SYNE2: variants seen among roughly 807,000 people sequenced by gnomAD.
The protein encoded by SYNE2 is nesprin-2.
Under a neutral mutation model 856.3 loss-of-function variants are expected in SYNE2, and 431 were observed. The observed-to-expected ratio is 0.50, with a 90% confidence interval of 0.47 to 0.55. The LOEUF (loss-of-function observed/expected upper bound fraction) is 0.55, where lower values mean the gene tolerates loss of function less well. SYNE2 is among the 20% of genes least tolerant of loss of function. SYNE2 has a pLI of 0.00. For synonymous variants in SYNE2, 2,923 were observed against 2,872.3 expected, an observed-to-expected ratio of 1.02 and a Z score of -0.56; for missense variants, 8,129 against 8,023.2, an observed-to-expected ratio of 1.01 and a Z score of -0.50.
chr14:63,810,789 G>A (rs1169245169), intron 1 of SYNE2, among the ~76,000 whole-genome samples: 1 of 152,176 alleles, frequency 6.6e-6, no homozygotes, highest in Non-Finnish European at 1.5e-5. Flanking sequence ...TGAAATACTT[G>A]CTTTTCTCTC....
intron 7 of SYNE2, among the ~76,000 whole-genome samples, chr14:63,951,223 CT>C (rs2096152585): frequency 6.6e-6 from 1 of 152,142 alleles, no homozygotes; most frequent in African/African-American, 2.4e-5. Context: ...TTGCTAAGCC[CT>C]TTCAAATGCA....
At position 63,945,867 on chromosome 14, in the gene SYNE2, A is replaced by G. The variant is rs548588551; in HGVS notation, c.408+3724A>G. ...AAGCTGTTGCCAGTTTTTAGCTGCTATGAGTAAAGCTGCTCAGAACGTTCT... is the reference window on the plus strand; with the variant it reads ...AAGCTGTTGCCAGTTTTTAGCTGCTGTGAGTAAAGCTGCTCAGAACGTTCT... On this transcript the variant is annotated intron_variant, in intron 6 of 115. Transcript: ENST00000555002. Among the ~76,000 whole-genome samples the G allele has an allele frequency of 4.6e-5, 7 of 152,260 alleles. No individual in the cohort carries two copies. In the South Asian group the frequency reaches 1.2e-3, roughly 27 times the overall value.
At chr14:63,954,609 T>G (rs1000133225) in intron 7 of SYNE2, 110 bp from the exon 8 acceptor site, 7 of 893,038 alleles carry the variant, frequency 7.8e-6, no homozygotes, top group Admixed American at 4.5e-5. Context: ...TCTAGCATGA[T>G]GTATCTAATT....
chr14:64,154,683 C>G (rs1410673241), intron 85 of SYNE2, among the ~76,000 whole-genome samples: 1 of 150,482 alleles, frequency 6.6e-6, no homozygotes, highest in Non-Finnish European at 1.5e-5. Context: ...AGTCCAGCTA[C>G]TTAGGAGGCT....
At chr14:64,005,310 T>C (rs1274714956) in intron 30 of SYNE2, among the ~76,000 whole-genome samples, 1 of 152,202 alleles carries the variant, frequency 6.6e-6, no homozygotes, top group African/African-American at 2.4e-5. Flanking sequence ...TTTGACCTAT[T>C]GTAGTAATCC....
intron 108 of SYNE2, 153 bp downstream of exon 108, chr14:64,216,540 T>A: frequency 1.1e-6 from 1 of 884,318 alleles, no homozygotes; most frequent in Non-Finnish European, 1.8e-6. Flanking sequence ...TGTTGAGCTG[T>A]CCATACTTCA....
intron 1 of SYNE2, among the ~76,000 whole-genome samples, chr14:63,875,331 A>C (rs1380431029): frequency 6.6e-6 from 1 of 152,206 alleles, no homozygotes; most frequent in Non-Finnish European, 1.5e-5. Flanking sequence ...CAAAGACCAG[A>C]GCTAACAGAA....
At chr14:64,123,928 G>A (rs12587924) in intron 70 of SYNE2, among the ~76,000 whole-genome samples, 18,455 of 150,480 alleles carry the variant, frequency 0.12, 1,763 homozygotes, top group African/African-American at 0.26. Context: ...GTCTCAGCTA[G>A]GTGCAGTGGC....
chr14:64,199,904 A>C (rs2098554854), intron 99 of SYNE2, among the ~76,000 whole-genome samples: 1 of 152,068 alleles, frequency 6.6e-6, no homozygotes, highest in African/African-American at 2.4e-5. Context: ...TTATTCCTAC[A>C]CCCCATTGGT....
At position 64,113,589 on chromosome 14, in the gene SYNE2, G is replaced by A; in HGVS notation, c.12840+18G>A. 1 of 1,586,544 alleles carries A rather than the reference G, an allele frequency of 6.3e-7. No individual in the cohort carries two copies. Among genetic ancestry groups the A allele is most frequent in the South Asian group, 1.1e-5 (1 of 87,242 alleles). On this transcript the variant is annotated intron_variant, in intron 66 of 115. Coordinates refer to ENST00000555002, the MANE Select transcript of SYNE2 (RefSeq NM_182914.3). ...GGTGCCAGGTAAGACTGAGAAGTCAGAGTTCATGGTTTGCCTCTCCACCAA... is the reference window on the plus strand; with the variant it reads ...GGTGCCAGGTAAGACTGAGAAGTCAAAGTTCATGGTTTGCCTCTCCACCAA...
At chr14:64,026,943 A>G (rs1363690763) in intron 42 of SYNE2, among the ~76,000 whole-genome samples, 1 of 152,248 alleles carries the variant, frequency 6.6e-6, no homozygotes, top group Non-Finnish European at 1.5e-5. Context: ...ATGCTCTTAA[A>G]TATTTATTTT....
chr14:63,847,585 A>ATTTT (rs1194475873), intron 1 of SYNE2, among the ~76,000 whole-genome samples: 1 of 137,596 alleles, frequency 7.3e-6, no homozygotes, highest in Non-Finnish European at 1.6e-5. Context: ...TATGTTCTGT[A>ATTTT]TTTTTTTTTT....
In SYNE2 at chr14:63,954,894, C is replaced by G. The variant is rs1195315926; in HGVS notation, c.766C>G (p.Pro256Ala). 6.2e-7 allele frequency: 1 copy of G among 1,613,060 alleles called. No homozygotes were observed. The highest frequency in any genetic ancestry group is 1.3e-5 in the African/African-American group (1 of 74,888). Residue 256 changes from proline (P) to alanine (A), a missense_variant, in exon 8 of 116, where the codon CCC becomes GCC. Pro to Ala is a conservative substitution (Grantham distance 27). This residue lies in a region of SYNE2 where 2,422 missense variants were observed against 2,357.4 expected (regional missense o/e 1.03). Transcript: ENST00000555002. ...AATTGCAGAACAAGAATTAAAAATC[C>G]CCAGATTGCTGGAACCAGAAGGTAA... is the stretch of plus-strand genomic sequence containing the variant. ...FRIAEQELKIPRLLEPEDVDV... is the reference protein window; with the variant it reads ...FRIAEQELKIARLLEPEDVDV...
intron 66 of SYNE2, among the ~76,000 whole-genome samples, chr14:64,114,011 G>A (rs772280603): frequency 6.6e-6 from 1 of 152,188 alleles, no homozygotes; most frequent in African/African-American, 2.4e-5. Flanking sequence ...TATATAACAA[G>A]TGCTCAGTAA....
intron 1 of SYNE2, among the ~76,000 whole-genome samples, chr14:63,788,015 C>A (rs962832056): frequency 1.3e-5 from 2 of 152,218 alleles, no homozygotes; most frequent in African/African-American, 4.8e-5. Flanking sequence ...TCAGCGCCCC[C>A]TTGGCTTCCC....
At chr14:64,188,261 A>G (rs548087648) in intron 97 of SYNE2, among the ~76,000 whole-genome samples, 2 of 152,342 alleles carry the variant, frequency 1.3e-5, no homozygotes, top group East Asian at 3.9e-4. Flanking sequence ...TCCTGTTTCT[A>G]ATTTTTACTA....
At chr14:64,154,770 G>A (rs1338271169) in intron 85 of SYNE2, among the ~76,000 whole-genome samples, 1 of 145,282 alleles carries the variant, frequency 6.9e-6, no homozygotes, top group Non-Finnish European at 1.5e-5. Context: ...TCCAGCCTGG[G>A]CAACACAGTG....
intron 45 of SYNE2, among the ~76,000 whole-genome samples, chr14:64,036,915 A>G (rs2097094926): frequency 6.6e-6 from 1 of 152,174 alleles, no homozygotes; most frequent in South Asian, 2.1e-4. Context: ...GTGGATACAC[A>G]TTAATCAACT....
rs375603179 is a variant in SYNE2, at chr14:64,097,986, T to G, written c.12146T>G (p.Leu4049Trp). The change falls in exon 62 of 116, where the codon TTG becomes TGG. Residue 4049 changes from leucine to tryptophan, a missense_variant. Transcript: ENST00000555002. ...CGTATGGAGAAACAGATTCTGAGTT[T>G]GAACCAGAGAAAAGAAGACCTGTTG... ...IERMEKQILS[L>W]NQRKEDLLVD... 18 of 1,614,116 alleles carry G rather than the reference T, an allele frequency of 1.1e-5. No homozygotes were observed. In the African/African-American group the frequency reaches 2.1e-4, roughly 19 times the overall value.
Sources: gnomAD v4.1 joint callset for allele counts (sites outside exome capture counted in the v4.1 genomes callset) on GRCh38, gnomAD v4.1.1 for gene constraint, gnomAD v4.1.1 regional missense constraint, MANE v1.5 for transcripts, NCBI Gene and HGNC (gene_info 2026-07-23, HGNC 2026-07-21) for gene names.